ESD: variants seen among roughly 807,000 people sequenced by gnomAD.
ESD encodes S-formylglutathione hydrolase.
In ESD, 34 loss-of-function variants were observed where a neutral mutation model predicts 38.1. The ratio of observed to expected loss-of-function variants is 0.89; its 90% confidence interval spans 0.68 to 1.19. ESD has a LOEUF of 1.19. Among genes scored for constraint, ESD ranks in the 50% most tolerant of loss-of-function variants. ESD has a pLI of 0.00. For missense variants in ESD, 334 were observed against 327.2 expected (o/e 1.02, Z -0.16); for synonymous variants, 97 against 107.0 (o/e 0.91, Z 0.58).
Position 46,784,454 on chromosome 13 carries a change from T to G in ESD, c.158-104A>C, listed in dbSNP as rs1875121735. ...GGGGGAGACGGAGACGGACAAGGGC[T>G]GAAAAACTACCAGTTAGGTACTATG... On this transcript the variant is annotated intron_variant, in intron 4 of 9. Transcript: ENST00000378720. 4 of 739,310 alleles carry G rather than the reference T, an allele frequency of 5.4e-6. No individual in the cohort carries two copies. In the Admixed American group the frequency reaches 7.1e-5, roughly 13 times the overall value. The allele number at this position is 739,310 out of a possible 1,614,324, so 45.8% of individuals were successfully genotyped here.
intron 7 of ESD, 137 bp from the exon 8 acceptor site, chr13:46,780,170 G>A: frequency 1.8e-6 from 1 of 546,844 alleles, no homozygotes; most frequent in Non-Finnish European, 3.1e-6. Flanking sequence ...AAAACCCTGT[G>A]AACAATTTTC....
rs376505864 is a variant in ESD at position 46,787,015 on chromosome 13, A to G, written c.157+6T>C. The G allele has an allele frequency of 2.7e-6, 4 of 1,480,648 alleles. No individual in the cohort carries two copies. The African/African-American group carries it at 4.2e-5, about 16-fold the overall frequency. 91.7% of individuals were successfully genotyped at this position (1,480,648 alleles called of 1,614,324 possible). On this transcript the variant is annotated splice_donor_region_variant and intron_variant, in intron 4 of 9. Transcript: ENST00000378720. Reference sequence around the variant, plus strand: ...ACTTTATAAAACTCAAATGCATAATACTTACCTGAGAGCCAATACAGTGCA... The same window carrying G: ...ACTTTATAAAACTCAAATGCATAATGCTTACCTGAGAGCCAATACAGTGCA...
At chr13:46,783,804 G>A (rs1437601347) in intron 5 of ESD, among the ~76,000 whole-genome samples, 1 of 151,862 alleles carries the variant, frequency 6.6e-6, no homozygotes, top group East Asian at 1.9e-4. Flanking sequence ...TTTCTCTAAT[G>A]TAAATATTCA....
rs534908517 is a variant in ESD at position 46,791,276 on chromosome 13, T to C, written c.68+70A>G. ...AGGTACTATAATATCTAGATAAAGA[T>C]TGGTTTTAAAATAGAACAAAATAAT... is the stretch of plus-strand genomic sequence containing the variant. On this transcript the variant is annotated intron_variant, in intron 3 of 9. Coordinates refer to ENST00000378720, the MANE Select transcript of ESD (RefSeq NM_001984.2). 23 of 1,130,534 alleles carry C rather than the reference T, an allele frequency of 2.0e-5. No homozygotes were observed. In the East Asian group the frequency reaches 2.2e-4, roughly 11 times the overall value. 70.0% of individuals were successfully genotyped at this position (1,130,534 alleles called of 1,614,324 possible).
intron 4 of ESD, among the ~76,000 whole-genome samples, chr13:46,786,710 T>C (rs1428055727): frequency 6.6e-6 from 1 of 152,024 alleles, no homozygotes; most frequent in Non-Finnish European, 1.5e-5. Context: ...TAGTAAAGTC[T>C]CTATAAACTC....
At chr13:46,786,425 C>T (rs561560205) in intron 4 of ESD, among the ~76,000 whole-genome samples, 9 of 152,020 alleles carry the variant, frequency 5.9e-5, no homozygotes, top group Admixed American at 2.6e-4. Flanking sequence ...GAAGTACCAG[C>T]GTCTTGTGAA....
Position 46,771,447 on chromosome 13 carries a change from A to G in ESD, c.818T>C (p.Ile273Thr). Residue 273 changes from isoleucine (I) to threonine (T), a missense_variant, in exon 10 of 10, where the codon ATC (isoleucine) becomes ACC (threonine). Ile to Thr is a moderately conservative substitution (Grantham distance 89). Transcript: ENST00000378720. Reference sequence around the variant, plus strand: ...ATTCAGGTATTTAGCATGATGTCTGATGTGGTCAGTAATAAAGGTTGCAAT... The same window carrying G: ...ATTCAGGTATTTAGCATGATGTCTGGTGTGGTCAGTAATAAAGGTTGCAAT... ...YFIATFITDH[I>T]RHHAKYLNA is the part of the protein sequence containing the mutation. 6.2e-7 allele frequency: 1 copy of G among 1,607,320 alleles called. No individual in the cohort carries two copies. Among genetic ancestry groups the G allele is most frequent in the Non-Finnish European group, 8.5e-7 (1 of 1,175,502 alleles).
chr13:46,780,426 A>C (rs1020012318), intron 7 of ESD, among the ~76,000 whole-genome samples: 1 of 151,766 alleles, frequency 6.6e-6, no homozygotes, highest in African/African-American at 2.4e-5. Context: ...CATTTCTCTT[A>C]AACAGTACCA....
rs769666240 is a variant in ESD, at chr13:46,782,803, C to G, written c.257-12G>C. On this transcript the variant is annotated splice_polypyrimidine_tract_variant and intron_variant, in intron 5 of 9. Coordinates refer to ENST00000378720, the MANE Select transcript of ESD (RefSeq NM_001984.2). ...AATATTGCAGCCACCTATCAAGAAA[C>G]AATCTTGTGGTTTCATCTGCTCTGT... is the stretch of plus-strand genomic sequence containing the variant. The G allele has an allele frequency of 6.2e-7, 1 of 1,611,514 alleles. No homozygotes were observed. Among genetic ancestry groups the G allele is most frequent in the Non-Finnish European group, 8.5e-7 (1 of 1,178,474 alleles).
chr13:46,790,189 A>G (rs770299536), intron 3 of ESD, among the ~76,000 whole-genome samples: 13 of 151,956 alleles, frequency 8.6e-5, no homozygotes, highest in African/African-American at 2.7e-4. Flanking sequence ...CAAGAGGTCA[A>G]TATCTTTTAT....
At chr13:46,795,241 C>A (rs8192880) in intron 1 of ESD, among the ~76,000 whole-genome samples, 1 of 152,134 alleles carries the variant, frequency 6.6e-6, no homozygotes, top group Non-Finnish European at 1.5e-5. Context: ...CATCCCACTA[C>A]GATCAATCCT....
intron 9 of ESD, chr13:46,776,872 A>G (rs1367037706): frequency 1.3e-5 from 2 of 152,052 alleles, no homozygotes; most frequent in Non-Finnish European, 2.9e-5. Flanking sequence ...AACTTCCTTA[A>G]TTAGGACTAT....
chr13:46,790,604 C>T (rs1875363028), intron 3 of ESD: 2 of 152,202 alleles, frequency 1.3e-5, no homozygotes, highest in Admixed American at 1.3e-4. Context: ...TACCTCCAAT[C>T]TTTCCCAGAG....
intron 5 of ESD, among the ~76,000 whole-genome samples, chr13:46,783,760 T>C (rs1424348652): frequency 6.6e-6 from 1 of 151,964 alleles, no homozygotes; most frequent in African/African-American, 2.4e-5. Context: ...TTTAACTGTC[T>C]GATGCATTGA....
At chr13:46,793,065 G>C (rs1230121338) in intron 2 of ESD, among the ~76,000 whole-genome samples, 1 of 151,876 alleles carries the variant, frequency 6.6e-6, no homozygotes, top group African/African-American at 2.4e-5. Context: ...TTTTCATTTG[G>C]CCAGAAGAAA....
intron 9 of ESD, chr13:46,775,317 A>G (rs1404535710): frequency 1.3e-5 from 2 of 159,174 alleles, no homozygotes; most frequent in African/African-American, 4.8e-5. Flanking sequence ...GAGTATAAAT[A>G]TAAATTGTGA....
chr13:46,774,311 A>T (rs1449005218), intron 9 of ESD, among the ~76,000 whole-genome samples: 1 of 152,208 alleles, frequency 6.6e-6, no homozygotes. Flanking sequence ...CAAGAATTTT[A>T]AAAAATGTCA....
At chr13:46,797,458 G>T (rs1875634563), upstream of ESD, among the ~76,000 whole-genome samples, 1 of 152,238 alleles carries the variant, frequency 6.6e-6, no homozygotes, top group Admixed American at 6.5e-5. Flanking sequence ...CCCAGAGCCA[G>T]CAGCAAGAAC....
At chr13:46,785,149 G>C (rs564714361) in intron 4 of ESD, among the ~76,000 whole-genome samples, 9 of 151,940 alleles carry the variant, frequency 5.9e-5, no homozygotes, top group Non-Finnish European at 8.8e-5. Flanking sequence ...TTTAGCCTCA[G>C]TTTTTAGAAG....
Sources: gnomAD v4.1 joint callset for allele counts (sites outside exome capture counted in the v4.1 genomes callset) on GRCh38, gnomAD v4.1.1 for gene constraint, MANE v1.5 for transcripts, NCBI Gene and HGNC (gene_info 2026-07-23, HGNC 2026-07-21) for gene names.